Variants in HPSE2 observed in about 807,000 individuals in gnomAD.
HPSE2 encodes inactive heparanase-2.
Under a neutral mutation model 60.5 loss-of-function variants are expected in HPSE2, and 38 were observed. The observed-to-expected ratio is 0.63, with a 90% CI of 0.48 to 0.82. The LOEUF is 0.82. Ranked by LOEUF, HPSE2 falls within the 40% of genes least tolerant of loss-of-function variation. HPSE2 has a pLI of 0.00. For synonymous variants in HPSE2, 295 were observed against 293.2 expected (o/e 1.01, Z -0.06); for missense variants, 713 against 740.4 (o/e 0.96, Z 0.43).
the HPSE2 span, among the ~76,000 whole-genome samples, chr10:99,280,621 C>A: frequency 5.9e-5 from 9 of 152,150 alleles, no homozygotes; most frequent in Admixed American, 2.6e-4. Flanking sequence ...CACCTCTGAC[C>A]AAATTCGGGA....
intron 9 of HPSE2, among the ~76,000 whole-genome samples, chr10:98,579,483 G>T (rs1250730451): frequency 6.6e-6 from 1 of 152,054 alleles, no homozygotes; most frequent in African/African-American, 2.4e-5. Flanking sequence ...TTGCCTGATC[G>T]CCAGGTTATT....
At chr10:99,228,420 C>T (rs932222446) in intron 2 of HPSE2, among the ~76,000 whole-genome samples, 2 of 151,992 alleles carry the variant, frequency 1.3e-5, no homozygotes, top group Admixed American at 6.6e-5. Flanking sequence ...AAATGGTGTA[C>T]ATCTTCATTA....
At chr10:98,777,584 T>C (rs185152631) in intron 3 of HPSE2, among the ~76,000 whole-genome samples, 28 of 152,298 alleles carry the variant, frequency 1.8e-4, no homozygotes, top group Non-Finnish European at 3.8e-4. Context: ...AACAGGATGG[T>C]TGAGTCTTGG....
the HPSE2 span, among the ~76,000 whole-genome samples, chr10:99,258,957 T>A: frequency 6.6e-6 from 1 of 152,092 alleles, no homozygotes; most frequent in Non-Finnish European, 1.5e-5. Context: ...TAAGGAATAT[T>A]CTCTTAGATG....
At chr10:98,517,606 T>C (rs1328885222) in intron 9 of HPSE2, among the ~76,000 whole-genome samples, 1 of 152,164 alleles carries the variant, frequency 6.6e-6, no homozygotes, top group East Asian at 1.9e-4. Context: ...TTAAGAAACT[T>C]TTTTTCCATT....
intron 9 of HPSE2, among the ~76,000 whole-genome samples, chr10:98,546,519 T>A (rs1943681500): frequency 6.6e-6 from 1 of 151,892 alleles, no homozygotes; most frequent in Non-Finnish European, 1.5e-5. Context: ...AACTATCTGA[T>A]CTTTGACAAA....
intron 4 of HPSE2, among the ~76,000 whole-genome samples, chr10:98,724,062 G>A (rs1392809023): frequency 6.6e-6 from 1 of 152,078 alleles, no homozygotes; most frequent in Non-Finnish European, 1.5e-5. Context: ...ATGTTAGGGT[G>A]TCAATTTTAG....
intron 3 of HPSE2, among the ~76,000 whole-genome samples, chr10:99,123,340 C>A (rs563580524): frequency 6.6e-6 from 1 of 152,190 alleles, no homozygotes; most frequent in East Asian, 1.9e-4. Context: ...CACCAATAAA[C>A]AGGTTAAAAT....
chr10:98,659,423 G>A, intron 6 of HPSE2, among the ~76,000 whole-genome samples: 1 of 152,166 alleles, frequency 6.6e-6, no homozygotes, highest in East Asian at 1.9e-4. Context: ...GAATCCTACA[G>A]TATGTTGTCC....
the HPSE2 span, among the ~76,000 whole-genome samples, chr10:99,269,880 T>C: frequency 6.6e-6 from 1 of 152,206 alleles, no homozygotes; most frequent in Admixed American, 6.5e-5. Context: ...TAAACGATCA[T>C]TGGGTCAACA....
intron 3 of HPSE2, among the ~76,000 whole-genome samples, chr10:98,906,821 G>T (rs10786485): frequency 0.2 from 29,761 of 151,464 alleles, 4,474 homozygotes; most frequent in African/African-American, 0.41. Flanking sequence ...GGAGAATCAC[G>T]TGAACCTGGG....
intron 3 of HPSE2, among the ~76,000 whole-genome samples, chr10:99,076,224 T>C (rs1253622343): frequency 2.0e-5 from 3 of 152,046 alleles, no homozygotes; most frequent in Admixed American, 6.5e-5. Context: ...AGGTGTTTTC[T>C]TTGTGAATGC....
intron 9 of HPSE2, among the ~76,000 whole-genome samples, chr10:98,493,642 T>C (rs1280454889): frequency 1.3e-5 from 2 of 152,226 alleles, no homozygotes; most frequent in East Asian, 1.9e-4. Flanking sequence ...TTTTATGGAA[T>C]ATATTTTTCC....
intron 2 of HPSE2, among the ~76,000 whole-genome samples, chr10:99,167,419 G>A (rs992837781): frequency 6.6e-6 from 1 of 152,142 alleles, no homozygotes; most frequent in Non-Finnish European, 1.5e-5. Flanking sequence ...TTAGGTATAT[G>A]ATTGTTTTAG....
chr10:99,067,933 A>G (rs1349003517), intron 3 of HPSE2, among the ~76,000 whole-genome samples: 1 of 152,086 alleles, frequency 6.6e-6, no homozygotes, highest in Admixed American at 6.6e-5. Context: ...TACTTTTAGA[A>G]ATTTCTTTTG....
At chr10:99,026,894 G>T (rs1392128760) in intron 3 of HPSE2, among the ~76,000 whole-genome samples, 2 of 151,922 alleles carry the variant, frequency 1.3e-5, no homozygotes, top group Non-Finnish European at 2.9e-5. Context: ...AAGAAATTAA[G>T]AATAAAATTT....
At chr10:98,747,016 T>C (rs1210580515) in intron 3 of HPSE2, among the ~76,000 whole-genome samples, 1 of 152,056 alleles carries the variant, frequency 6.6e-6, no homozygotes, top group Non-Finnish European at 1.5e-5. Flanking sequence ...CTATGAGCTT[T>C]AGATATAATA....
At chr10:98,527,807 AC>A (rs1943014741) in intron 9 of HPSE2, among the ~76,000 whole-genome samples, 1 of 152,198 alleles carries the variant, frequency 6.6e-6, no homozygotes, top group African/African-American at 2.4e-5. Context: ...TTGAGGAGTA[AC>A]TAAACCTGTC....
chr10:98,795,341 G>A lies in HPSE2; in HGVS notation c.611-51285C>T, dbSNP rs535653491. ...CCACATCCCCTGGCAGCAGCCTTAC[G>A]GCACGGAAAGTCTGTGCACTTGGGG... is the stretch of plus-strand genomic sequence containing the variant. On this transcript the variant is annotated intron_variant, in intron 3 of 11. Transcript: ENST00000370552. 2.6e-5 allele frequency among the ~76,000 whole-genome samples: 4 copies of A among 152,252 alleles called. No individual in the cohort carries two copies. The South Asian group carries it at 8.3e-4, about 32-fold the overall frequency.
Sources: allele counts gnomAD v4.1 joint callset (sites outside exome capture counted in the v4.1 genomes callset), GRCh38; gene constraint gnomAD v4.1.1; transcripts MANE v1.5; gene names NCBI Gene and HGNC (gene_info 2026-07-23, HGNC 2026-07-21).